ADGRV1: variants seen among roughly 807,000 people sequenced by gnomAD.
ADGRV1 encodes the protein adhesion G protein-coupled receptor V1.
In ADGRV1, 359 loss-of-function variants were observed where a neutral mutation model predicts 596.2. The ratio of observed to expected loss-of-function variants is 0.60; its 90% CI spans 0.55 to 0.66. The LOEUF (loss-of-function observed/expected upper bound fraction) is 0.66. Among genes scored for constraint, ADGRV1 ranks in the 30% least tolerant of loss-of-function variants. The pLI is 0.00. For missense variants in ADGRV1, 7,274 were observed against 7,575.6 expected (o/e 0.96, Z 1.48); for synonymous variants, 2,681 against 2,679.2 (o/e 1.00, Z -0.02).
chr5:90,983,355 G>A (rs370408980), intron 84 of ADGRV1, among the ~76,000 whole-genome samples: 5 of 152,068 alleles, frequency 3.3e-5, no homozygotes, highest in African/African-American at 1.2e-4. Context: ...GTCCTTCTGC[G>A]TAAAAGCAGA....
chr5:91,139,907 G>T (rs1794957343), intron 87 of ADGRV1, among the ~76,000 whole-genome samples: 2 of 152,116 alleles, frequency 1.3e-5, no homozygotes. Flanking sequence ...TCTTCCCTTG[G>T]CTTCCCTGAT....
chr5:90,960,002 G>A (rs1238355865), intron 83 of ADGRV1, among the ~76,000 whole-genome samples: 3 of 152,030 alleles, frequency 2.0e-5, no homozygotes, highest in African/African-American at 4.8e-5. Context: ...AGCTGGGCAT[G>A]GTGGCGGGCA....
At chr5:90,758,711 A>C (rs1756114065) in intron 57 of ADGRV1, among the ~76,000 whole-genome samples, 1 of 152,216 alleles carries the variant, frequency 6.6e-6, no homozygotes, top group Non-Finnish European at 1.5e-5. Flanking sequence ...ATTTTCTGAT[A>C]AATGTCTGTC....
At chr5:90,928,132 G>A (rs1287853844) in intron 83 of ADGRV1, among the ~76,000 whole-genome samples, 1 of 152,098 alleles carries the variant, frequency 6.6e-6, no homozygotes, top group East Asian at 1.9e-4. Flanking sequence ...TTCTCGAGGA[G>A]TATCTTTGTG....
chr5:90,691,573 C>A (rs867366946), intron 31 of ADGRV1, among the ~76,000 whole-genome samples: 10 of 151,276 alleles, frequency 6.6e-5, no homozygotes, highest in African/African-American at 2.4e-4. Flanking sequence ...TTAATAGAAA[C>A]GGAGTTTCAC....
At chr5:90,569,375 A>ATTTT (rs1756126319) in intron 1 of ADGRV1, among the ~76,000 whole-genome samples, 1 of 20,954 alleles carries the variant, frequency 4.8e-5, no homozygotes, top group Non-Finnish European at 7.9e-5. Context: ...ATATATATAT[A>ATTTT]TATATATATA....
chr5:90,715,358 T>A (rs73175215), intron 42 of ADGRV1, among the ~76,000 whole-genome samples: 3,950 of 152,304 alleles, frequency 0.026, 76 homozygotes, highest in African/African-American at 0.059. Flanking sequence ...GAAAGAAATC[T>A]GGGCTGTTCA....
At chr5:90,700,117 A>G (rs1451843809) in intron 34 of ADGRV1, among the ~76,000 whole-genome samples, 1 of 152,180 alleles carries the variant, frequency 6.6e-6, no homozygotes, top group African/African-American at 2.4e-5. Context: ...TGTATGCTTT[A>G]TATTACCATG....
At chr5:90,695,634 T>G (rs1219933464) in intron 33 of ADGRV1, among the ~76,000 whole-genome samples, 1 of 152,156 alleles carries the variant, frequency 6.6e-6, no homozygotes, top group Non-Finnish European at 1.5e-5. Flanking sequence ...GCATATACTT[T>G]TTTTTGGAAA....
chr5:90,632,706 G>A (rs2149394285), intron 9 of ADGRV1, among the ~76,000 whole-genome samples: 1 of 152,340 alleles, frequency 6.6e-6, no homozygotes, highest in Non-Finnish European at 1.5e-5. Flanking sequence ...GAAGAAGGAT[G>A]TAATTAATAT....
chr5:90,654,537 A>T (rs1769123231), intron 20 of ADGRV1: 1 of 156,838 alleles, frequency 6.4e-6, no homozygotes, highest in Admixed American at 6.1e-5. Flanking sequence ...TCATATGCTG[A>T]TTCCTCAAGA....
chr5:90,776,028 T>G (rs1180897127), intron 60 of ADGRV1, among the ~76,000 whole-genome samples: 1 of 152,194 alleles, frequency 6.6e-6, no homozygotes, highest in Non-Finnish European at 1.5e-5. Flanking sequence ...TACAGTCAAA[T>G]GATAGAGTCA....
intron 84 of ADGRV1, among the ~76,000 whole-genome samples, chr5:90,978,308 A>C (rs1779797359): frequency 6.6e-6 from 1 of 151,754 alleles, no homozygotes; most frequent in South Asian, 2.1e-4. Flanking sequence ...ATAAATAAAT[A>C]AATAAATAAA....
At chr5:91,020,061 CTTTAATTT>C (rs1783507549) in intron 85 of ADGRV1, among the ~76,000 whole-genome samples, 1 of 149,042 alleles carries the variant, frequency 6.7e-6, no homozygotes, top group Admixed American at 6.9e-5. Context: ...GTGTTTCTAA[CTTTAATTT>C]TTAAGGCTTA....
intron 85 of ADGRV1, among the ~76,000 whole-genome samples, chr5:91,071,112 G>A (rs1788352669): frequency 6.6e-6 from 1 of 152,102 alleles, no homozygotes; most frequent in Non-Finnish European, 1.5e-5. Flanking sequence ...AACTCCAAAT[G>A]GAGAGAGAGG....
At chr5:90,668,285 G>C (rs1244968856) in intron 21 of ADGRV1, among the ~76,000 whole-genome samples, 1 of 152,254 alleles carries the variant, frequency 6.6e-6, no homozygotes, top group Non-Finnish European at 1.5e-5. Context: ...AGGACCCTCT[G>C]AGCCAGGTGC....
intron 83 of ADGRV1, among the ~76,000 whole-genome samples, chr5:90,880,652 T>C (rs145997920): frequency 2.0e-5 from 3 of 152,334 alleles, no homozygotes; most frequent in African/African-American, 7.2e-5. Flanking sequence ...TGATGATTTT[T>C]ATCAAGAAAT....
chr5:90,702,462 T>C (rs989076107), intron 34 of ADGRV1, among the ~76,000 whole-genome samples: 4 of 151,992 alleles, frequency 2.6e-5, no homozygotes, highest in East Asian at 3.8e-4. Context: ...TTTGTTAAAA[T>C]TGTGTTTAAA....
chr5:90,635,513 G>C (rs534702236), intron 10 of ADGRV1, among the ~76,000 whole-genome samples: 1 of 152,248 alleles, frequency 6.6e-6, no homozygotes, highest in African/African-American at 2.4e-5. Context: ...ATTGCTCACA[G>C]TGAGTGTCGG....
Sources: gnomAD v4.1 joint callset for allele counts (sites outside exome capture counted in the v4.1 genomes callset) on GRCh38, gnomAD v4.1.1 for gene constraint, MANE v1.5 for transcripts, NCBI Gene and HGNC (gene_info 2026-07-23, HGNC 2026-07-21) for gene names.